Variants in PTPRB observed in about 807,000 individuals in gnomAD.
PTPRB encodes the protein protein tyrosine phosphatase receptor type B.
PTPRB carries 97 observed loss-of-function variants against 238.1 expected under a neutral mutation model. That is an observed-to-expected ratio of 0.41 (90% CI 0.35 to 0.48). The LOEUF is 0.48. PTPRB is among the 20% of genes least tolerant of loss of function. The pLI is 0.30. For missense variants in PTPRB, 2,292 were observed against 2,681.9 expected (o/e 0.85, Z 3.21); for synonymous variants, 970 against 995.4 (o/e 0.97, Z 0.48).
intron 32 of PTPRB, 57 bp downstream of exon 32, chr12:70,531,978 T>C: frequency 1.2e-6 from 2 of 1,603,442 alleles, no homozygotes; most frequent in African/African-American, 1.3e-5. Flanking sequence ...GGATATTTTT[T>C]TGTGGGAATA....
intron 21 of PTPRB, among the ~76,000 whole-genome samples, chr12:70,547,049 TGAACCCAAAGGTATCTG>T (rs138304966): frequency 0.12 from 17,799 of 151,956 alleles, 1,312 homozygotes; most frequent in South Asian, 0.2. Flanking sequence ...CTATATTTCT[TGAACCCAAAGGTATCTG>T]GGCATGTCCT....
rs539489106 is a variant in PTPRB, at chr12:70,634,268, C to T, written c.451+1403G>A. On this transcript the variant is annotated intron_variant, in intron 2 of 33. Transcript: ENST00000334414. ...TAATATAAGCCTCACAAATCAACAC[C>T]TAAGGAAAAGACTTAACAATACAGT... Among the ~76,000 whole-genome samples the T allele has an allele frequency of 2.6e-5, 4 of 152,174 alleles. No individual in the cohort carries two copies. The South Asian group carries it at 8.3e-4, about 32-fold the overall frequency.
intron 28 of PTPRB, among the ~76,000 whole-genome samples, chr12:70,537,768 A>C (rs576161086): frequency 1.3e-5 from 2 of 152,294 alleles, no homozygotes; most frequent in South Asian, 4.1e-4. Context: ...CCAGAGCCCA[A>C]AGATTTGATA....
Position 70,572,033 on chromosome 12 carries a change from A to C in PTPRB, c.2897T>G (p.Leu966Ter). The change falls in exon 12 of 34, where the codon TTA becomes TGA. Residue 966 changes from leucine to a stop codon, truncating the protein, a stop_gained. Transcript: ENST00000334414. LOFTEE classifies it high-confidence loss of function. ...AGTGGCATGCACCCAGGATACCCTT[A>C]AATAGTCACTCCTGGCTGAGTTGCT... ...SVSNSARSDY[L>*]RVSWVHATGD... The C allele has an allele frequency of 6.2e-7, 1 of 1,613,678 alleles. No homozygotes were observed. The highest frequency in any genetic ancestry group is 8.5e-7 in the Non-Finnish European group (1 of 1,179,612).
intron 3 of PTPRB, among the ~76,000 whole-genome samples, chr12:70,620,460 C>A (rs2136574117): frequency 6.6e-6 from 1 of 152,282 alleles, no homozygotes; most frequent in South Asian, 2.1e-4. Context: ...GTGTTCAAGG[C>A]AGATAAATGT....
At chr12:70,608,757 G>T (rs1483753212) in intron 4 of PTPRB, 3 of 300,192 alleles carry the variant, frequency 1.0e-5, no homozygotes, top group Non-Finnish European at 1.8e-5. Context: ...TAATGCAATG[G>T]AAGCGTAAAC....
Position 70,532,175 on chromosome 12 carries a change from A to AAGAG in PTPRB, c.6369-9_6369-6dup. On this transcript the variant is annotated splice_polypyrimidine_tract_variant and splice_region_variant and intron_variant, in intron 31 of 33. Coordinates refer to ENST00000334414, the MANE Select transcript of PTPRB (RefSeq NM_001109754.4). ...CCAGTCCTACCCACACCAGCACTAG[A>AAGAG]AGAGATGGCAAAGGAAGATTGAGCC... 6.3e-7 allele frequency: 1 copy of AAGAG among 1,580,298 alleles called. No homozygotes were observed. Among genetic ancestry groups the AAGAG allele is most frequent in the South Asian group, 1.2e-5 (1 of 86,476 alleles).
intron 8 of PTPRB, 146 bp downstream of exon 8, chr12:70,589,818 A>G (rs1882289800): frequency 7.1e-6 from 5 of 704,340 alleles, no homozygotes; most frequent in Admixed American, 2.9e-5. Flanking sequence ...GGTGTTAGAA[A>G]CCCCATGTTA....
chr12:70,619,532 C>T (rs1022605980), intron 3 of PTPRB, among the ~76,000 whole-genome samples: 4 of 152,068 alleles, frequency 2.6e-5, no homozygotes, highest in Admixed American at 6.6e-5. Context: ...TCCAGAGCCT[C>T]GGCCTCAAAA....
intron 1 of PTPRB, 63 bp downstream of exon 1, chr12:70,637,278 A>G (rs1885749352): frequency 1.4e-6 from 2 of 1,455,130 alleles, no homozygotes; most frequent in Non-Finnish European, 1.9e-6. Flanking sequence ...CACTTCAAAG[A>G]CCAGGGACTC....
At chr12:70,598,553 T>C (rs1378724155) in intron 4 of PTPRB, among the ~76,000 whole-genome samples, 3 of 152,168 alleles carry the variant, frequency 2.0e-5, no homozygotes, top group Admixed American at 2.0e-4. Context: ...TAATAATACT[T>C]ATATTCCAAG....
At chr12:70,609,029 C>G in intron 4 of PTPRB, 40 bp downstream of exon 4, 1 of 1,604,630 alleles carries the variant, frequency 6.2e-7, no homozygotes, top group Non-Finnish European at 8.5e-7. Flanking sequence ...GGCCCAACCC[C>G]GTGTGGCTTG....
At chr12:70,635,454 T>C (rs1160803541) in intron 2 of PTPRB, among the ~76,000 whole-genome samples, 2 of 152,086 alleles carry the variant, frequency 1.3e-5, no homozygotes, top group Non-Finnish European at 2.9e-5. Context: ...GAAAAAGCAA[T>C]AGAAAAAGTT....
intron 11 of PTPRB, among the ~76,000 whole-genome samples, chr12:70,573,625 C>T (rs1229043430): frequency 6.6e-6 from 1 of 151,160 alleles, no homozygotes. Context: ...CCTGCCTCAG[C>T]CTCCCAAGTA....
intron 32 of PTPRB, among the ~76,000 whole-genome samples, chr12:70,526,865 A>G (rs1026871758): frequency 3.3e-5 from 5 of 152,216 alleles, no homozygotes; most frequent in Non-Finnish European, 7.3e-5. Flanking sequence ...AAATTCTTTA[A>G]CAATGATTCA....
Position 70,534,736 on chromosome 12 carries a change from T to C in PTPRB, c.6205-85A>G, listed in dbSNP as rs775107825. The C allele has an allele frequency of 2.6e-5, 41 of 1,598,852 alleles. No individual in the cohort carries two copies. In the Admixed American group the frequency reaches 2.9e-4, roughly 11 times the overall value. On this transcript the variant is annotated intron_variant, in intron 30 of 33. Transcript: ENST00000334414. ...CAGCTGAGCCATGGAGCAACTCCTA[T>C]GGGCTGAAACTACAAGAGAGGAACC...
chr12:70,628,113 C>T (rs532201359), intron 2 of PTPRB, among the ~76,000 whole-genome samples: 20 of 152,190 alleles, frequency 1.3e-4, no homozygotes, highest in East Asian at 7.7e-4. Context: ...TTTACCGGTT[C>T]GGCCATATCA....
At chr12:70,531,714 T>TG (rs773718696) in intron 32 of PTPRB, among the ~76,000 whole-genome samples, 12 of 151,800 alleles carry the variant, frequency 7.9e-5, no homozygotes, top group Admixed American at 2.0e-4. Flanking sequence ...TACACTCCCT[T>TG]GGGGTCTCCT....
intron 27 of PTPRB, chr12:70,538,692 T>C: frequency 1.8e-6 from 1 of 550,822 alleles, no homozygotes; most frequent in Non-Finnish European, 3.2e-6. Context: ...TAGCATCACA[T>C]GGGGAAATGT....
Sources: allele counts gnomAD v4.1 joint callset (sites outside exome capture counted in the v4.1 genomes callset), GRCh38; gene constraint gnomAD v4.1.1; transcripts MANE v1.5; gene names NCBI Gene and HGNC (gene_info 2026-07-23, HGNC 2026-07-21).